ADAMTSL3: variants seen among roughly 807,000 people sequenced by gnomAD.
ADAMTSL3 encodes the protein ADAMTS-like protein 3.
ADAMTSL3 carries 128 observed loss-of-function variants against 201.7 expected under a neutral mutation model. That is an observed-to-expected ratio of 0.63 (90% confidence interval 0.55 to 0.73). The LOEUF is 0.73. ADAMTSL3 is among the 30% of genes least tolerant of loss of function. The pLI is 0.00. For synonymous variants in ADAMTSL3, 738 were observed against 748.4 expected, an observed-to-expected ratio of 0.99 and a Z score of 0.23; for missense variants, 1,990 against 2,119.6, an observed-to-expected ratio of 0.94 and a Z score of 1.20.
At chr15:83,889,488 C>A in intron 10 of ADAMTSL3, among the ~76,000 whole-genome samples, 1 of 152,174 alleles carries the variant, frequency 6.6e-6, no homozygotes, top group Non-Finnish European at 1.5e-5. Context: ...ATTTAAAACA[C>A]ATTATCATTT....
intron 4 of ADAMTSL3, among the ~76,000 whole-genome samples, chr15:83,798,447 G>A (rs537214612): frequency 1.3e-5 from 2 of 152,304 alleles, no homozygotes; most frequent in African/African-American, 4.8e-5. Context: ...GTCATTGCAT[G>A]TGCTCTCCCA....
chr15:83,822,136 C>A (rs1335710608), intron 6 of ADAMTSL3, among the ~76,000 whole-genome samples: 15 of 149,636 alleles, frequency 1.0e-4, no homozygotes, highest in African/African-American at 2.5e-5. Flanking sequence ...GCTGACCCCC[C>A]CACCTCCCTC....
At position 83,933,671 on chromosome 15, in the gene ADAMTSL3, A is replaced by G. The variant is rs778289733; in HGVS notation, c.2118-8925A>G. 3.3e-5 allele frequency among the ~76,000 whole-genome samples: 5 copies of G among 152,228 alleles called. No individual in the cohort carries two copies. In the South Asian group the frequency reaches 1.0e-3, roughly 31 times the overall value. On this transcript the variant is annotated intron_variant, in intron 17 of 29. Transcript: ENST00000286744. Reference sequence around the variant, plus strand: ...TCTCCAGGGCACGTCAGTGGTTTTCATGGCAGCCCCTCCCATCACAGGCCC... The same window carrying G: ...TCTCCAGGGCACGTCAGTGGTTTTCGTGGCAGCCCCTCCCATCACAGGCCC...
chr15:83,866,366 G>T (rs1378603594), intron 8 of ADAMTSL3, among the ~76,000 whole-genome samples: 1 of 152,088 alleles, frequency 6.6e-6, no homozygotes, highest in African/African-American at 2.4e-5. Flanking sequence ...ACCCAAATGT[G>T]TAACAATGAT....
chr15:83,771,430 C>T (rs1246559419), intron 3 of ADAMTSL3, among the ~76,000 whole-genome samples: 1 of 152,188 alleles, frequency 6.6e-6, no homozygotes, highest in Non-Finnish European at 1.5e-5. Flanking sequence ...ACCCATTGGA[C>T]AGTAACTCTT....
intron 3 of ADAMTSL3, among the ~76,000 whole-genome samples, chr15:83,722,089 C>G (rs932729694): frequency 2.0e-5 from 3 of 152,116 alleles, no homozygotes; most frequent in African/African-American, 7.2e-5. Flanking sequence ...ACTCATGAGG[C>G]AGGACAGACT....
rs558176447 is a variant in ADAMTSL3 at position 83,809,485 on chromosome 15, C to A, written c.363+4790C>A. On this transcript the variant is annotated intron_variant, in intron 5 of 29. Coordinates refer to ENST00000286744, the MANE Select transcript of ADAMTSL3 (RefSeq NM_207517.3). ...CCAAGTAGCACAACCTAAAAAACTCCCTTGCAGTCCCTGCCTCTTTGCAGA... is the reference window on the plus strand; with the variant it reads ...CCAAGTAGCACAACCTAAAAAACTCACTTGCAGTCCCTGCCTCTTTGCAGA... Among the ~76,000 whole-genome samples, 12 of 152,308 alleles carry A rather than the reference C, an allele frequency of 7.9e-5. No homozygotes were observed. In the East Asian group the frequency reaches 2.3e-3, roughly 29 times the overall value.
At chr15:83,785,989 G>T (rs1229426656) in intron 4 of ADAMTSL3, among the ~76,000 whole-genome samples, 2 of 151,914 alleles carry the variant, frequency 1.3e-5, no homozygotes, top group African/African-American at 4.8e-5. Context: ...AGTTACAGAC[G>T]TGTGCCACCA....
At chr15:83,850,579 A>G (rs944623349) in intron 7 of ADAMTSL3, among the ~76,000 whole-genome samples, 2 of 151,306 alleles carry the variant, frequency 1.3e-5, no homozygotes, top group African/African-American at 4.9e-5. Context: ...TTTTTCACCT[A>G]CTCTTTATCG....
intron 2 of ADAMTSL3, among the ~76,000 whole-genome samples, chr15:83,668,606 G>T (rs1257756455): frequency 6.6e-6 from 1 of 151,856 alleles, no homozygotes; most frequent in Non-Finnish European, 1.5e-5. Flanking sequence ...CACTTTTTCT[G>T]TTGTCTTGAA....
chr15:83,810,257 T>C (rs1375711560), intron 5 of ADAMTSL3, among the ~76,000 whole-genome samples: 1 of 152,246 alleles, frequency 6.6e-6, no homozygotes, highest in African/African-American at 2.4e-5. Context: ...CACTTGATGT[T>C]GAGCAACACA....
chr15:84,002,072 T>G (rs946134754), intron 23 of ADAMTSL3, among the ~76,000 whole-genome samples: 1 of 152,222 alleles, frequency 6.6e-6, no homozygotes, highest in Non-Finnish European at 1.5e-5. Context: ...AAGCTCTATT[T>G]TGAGTGCTTC....
intron 23 of ADAMTSL3, among the ~76,000 whole-genome samples, chr15:83,999,308 G>A (rs1233241173): frequency 6.6e-6 from 1 of 152,146 alleles, no homozygotes; most frequent in Admixed American, 6.5e-5. Flanking sequence ...CCATACAGCA[G>A]TGTAAGAAAC....
At chr15:83,705,171 T>A (rs1040839249) in intron 3 of ADAMTSL3, among the ~76,000 whole-genome samples, 2 of 152,168 alleles carry the variant, frequency 1.3e-5, no homozygotes, top group African/African-American at 4.8e-5. Flanking sequence ...AACAGAGAGT[T>A]TCAACTTTGC....
chr15:83,897,861 A>C lies in ADAMTSL3; in HGVS notation c.1471A>C (p.Thr491Pro). ...KWIAMEWSQCTVTCGRGLRYR... is the reference protein window; with the variant it reads ...KWIAMEWSQCPVTCGRGLRYR... ...GCTTCTCTTTTCTTCTTTGAAGTGC[A>C]CAGTGACTTGTGGCCGAGGGTTACG... is the stretch of plus-strand genomic sequence containing the variant. Residue 491 changes from threonine to proline, a missense_variant, in exon 14 of 30, where the codon ACA (threonine) becomes CCA (proline). Coordinates refer to ENST00000286744, the MANE Select transcript of ADAMTSL3 (RefSeq NM_207517.3). 6.3e-7 allele frequency: 1 copy of C among 1,598,514 alleles called. No individual in the cohort carries two copies. Among genetic ancestry groups the C allele is most frequent in the South Asian group, 1.1e-5 (1 of 88,836 alleles).
At chr15:83,810,587 A>G (rs1441481303) in intron 5 of ADAMTSL3, among the ~76,000 whole-genome samples, 3 of 152,246 alleles carry the variant, frequency 2.0e-5, no homozygotes, top group African/African-American at 7.2e-5. Context: ...TAAAACTAAC[A>G]TATAGGCAGG....
At chr15:83,893,711 A>G (rs189833405) in intron 13 of ADAMTSL3, among the ~76,000 whole-genome samples, 3 of 152,370 alleles carry the variant, frequency 2.0e-5, no homozygotes, top group Admixed American at 6.5e-5. Context: ...CCTCAGAGGT[A>G]TAACAAGGTT....
chr15:83,824,869 A>G (rs2063986398), intron 6 of ADAMTSL3: 1 of 152,200 alleles, frequency 6.6e-6, no homozygotes, highest in African/African-American at 2.4e-5. Context: ...AATTAAATTA[A>G]TGGAATGTTT....
rs575411713 is a variant in ADAMTSL3 at position 83,907,161 on chromosome 15, A to AT, written c.1701-5925dup. 2.5e-3 allele frequency among the ~76,000 whole-genome samples: 381 copies of AT among 150,948 alleles called. 1 individual carries two copies. Among genetic ancestry groups the AT allele is most frequent in the South Asian group, 9.2e-3 (44 of 4,776 alleles). ...AGGAAAGTTTAATCCATTTAAATAGATTTTTTATTACTGATAGTTCTGGTC... is the reference window on the plus strand; with the variant it reads ...AGGAAAGTTTAATCCATTTAAATAGATTTTTTTATTACTGATAGTTCTGGTC... On this transcript the variant is annotated intron_variant, in intron 15 of 29. Transcript: ENST00000286744.
Sources: gnomAD v4.1 joint callset for allele counts (sites outside exome capture counted in the v4.1 genomes callset) on GRCh38, gnomAD v4.1.1 for gene constraint, MANE v1.5 for transcripts, NCBI Gene and HGNC (gene_info 2026-07-23, HGNC 2026-07-21) for gene names.